The following EEF1AKMT2 variants were observed in gnomAD, a reference collection of about 807,000 sequenced individuals.
The protein encoded by EEF1AKMT2 is eukaryotic translation elongation factor 1 alpha lysine methyltransferase 2.
EEF1AKMT2 carries 32 observed loss-of-function variants against 35.8 expected under a neutral mutation model. The ratio of observed to expected loss-of-function variants is 0.89; its 90% CI spans 0.67 to 1.20. The LOEUF is 1.20. Among genes scored for constraint, EEF1AKMT2 ranks in the 50% most tolerant of loss-of-function variants. The pLI is 0.00. For synonymous variants in EEF1AKMT2, 121 were observed against 133.7 expected (o/e 0.91, Z 0.65); for missense variants, 330 against 347.5 (o/e 0.95, Z 0.40).
At chr10:124,771,342 G>A (rs12768797) in intron 4 of EEF1AKMT2, among the ~76,000 whole-genome samples, 30 of 151,560 alleles carry the variant, frequency 2.0e-4, no homozygotes, top group African/African-American at 3.6e-4. Context: ...CTTGTGATCC[G>A]CCCACCTTGG....
intron 3 of EEF1AKMT2, among the ~76,000 whole-genome samples, chr10:124,787,007 C>T (rs1055326073): frequency 6.6e-6 from 1 of 151,068 alleles, no homozygotes; most frequent in African/African-American, 2.4e-5. Flanking sequence ...GTCGCCCAGG[C>T]TGATCTCCGC....
At chr10:124,789,706 G>C (rs1950617748) in intron 2 of EEF1AKMT2, among the ~76,000 whole-genome samples, 1 of 149,496 alleles carries the variant, frequency 6.7e-6, no homozygotes, top group Admixed American at 6.7e-5. Context: ...AACGAGTTAT[G>C]ATGATCATGC....
At chr10:124,766,634 T>C (rs899211694) in intron 4 of EEF1AKMT2, among the ~76,000 whole-genome samples, 3 of 152,140 alleles carry the variant, frequency 2.0e-5, no homozygotes, top group South Asian at 2.1e-4. Flanking sequence ...TCTAAAACTC[T>C]ATTGACTTAA....
chr10:124,791,755 A>G lies in EEF1AKMT2; in HGVS notation c.79T>C (p.Phe27Leu), dbSNP rs1156591037. Residue 27 changes from phenylalanine (F) to leucine (L), a missense_variant, in exon 1 of 7, where the codon TTC becomes CTC. By Grantham distance (22) the Phe-to-Leu change is conservative (BLOSUM62 0). Transcript: ENST00000368836. ...SDKGSPGEDG[F>L]VPSALGTREH... ...CGGGTCCCCAGCGCCGACGGGACGA[A>G]ACCGTCCTCCCCGGGACTGCCCTTG... 6.3e-7 allele frequency: 1 copy of G among 1,594,796 alleles called. No individual in the cohort carries two copies. The highest frequency in any genetic ancestry group is 2.3e-5 in the East Asian group (1 of 44,294).
At chr10:124,767,366 A>T (rs1323992235) in intron 4 of EEF1AKMT2, among the ~76,000 whole-genome samples, 2 of 151,458 alleles carry the variant, frequency 1.3e-5, no homozygotes, top group African/African-American at 4.9e-5. Flanking sequence ...ACAAAAAATT[A>T]GCCGGGCGTG....
intron 4 of EEF1AKMT2, among the ~76,000 whole-genome samples, chr10:124,771,768 C>A (rs866935998): frequency 1.3e-5 from 2 of 151,976 alleles, no homozygotes; most frequent in East Asian, 3.9e-4. Flanking sequence ...ACTTGGGAGG[C>A]TGAGGCAGGA....
chr10:124,762,301 AAAATGCCAACG>A lies in EEF1AKMT2; in HGVS notation c.863_873del (p.Ser288LeufsTer24), dbSNP rs1488088346. 9.3e-7 allele frequency: 1 copy of A among 1,071,450 alleles called. No individual in the cohort carries two copies. 66.4% of individuals were successfully genotyped at this position (1,071,450 alleles called of 1,614,324 possible). ...AAATAAAGCTGGAAGGTCACTTACT[AAAATGCCAACG>A]AGGGCCTGGCATGGTATAATCCCAG... On this transcript the variant is annotated frameshift_variant and splice_region_variant, in exon 6 of 7. Coordinates refer to ENST00000368836, the MANE Select transcript of EEF1AKMT2 (RefSeq NM_212554.4). LOFTEE classifies it high-confidence loss of function.
chr10:124,783,494 A>G (rs1057036066), intron 3 of EEF1AKMT2, among the ~76,000 whole-genome samples: 1 of 152,194 alleles, frequency 6.6e-6, no homozygotes, highest in African/African-American at 2.4e-5. Flanking sequence ...GAAATTTAAA[A>G]TGGTGCAGCC....
At chr10:124,767,160 T>TA (rs903606562) in intron 4 of EEF1AKMT2, among the ~76,000 whole-genome samples, 4,780 of 103,876 alleles carry the variant, frequency 0.046, 419 homozygotes, top group African/African-American at 0.18. Flanking sequence ...GACTCCATCT[T>TA]AAAAAAAAAA....
intron 3 of EEF1AKMT2, among the ~76,000 whole-genome samples, chr10:124,788,497 T>G (rs989526477): frequency 6.6e-6 from 1 of 151,812 alleles, no homozygotes; most frequent in African/African-American, 2.4e-5. Flanking sequence ...TAATTAAGAC[T>G]GTAAAATTAT....
chr10:124,765,049 G>A (rs960615393), intron 5 of EEF1AKMT2, among the ~76,000 whole-genome samples: 4 of 152,118 alleles, frequency 2.6e-5, no homozygotes, highest in East Asian at 1.9e-4. Context: ...CTACAGGCAC[G>A]CGCCACCAAT....
intron 3 of EEF1AKMT2, among the ~76,000 whole-genome samples, chr10:124,785,482 G>A (rs1950576689): frequency 6.6e-6 from 1 of 152,068 alleles, no homozygotes; most frequent in Non-Finnish European, 1.5e-5. Context: ...GAAAACATCT[G>A]CAAATCTTGT....
chr10:124,790,039 G>A (rs757606059), intron 2 of EEF1AKMT2, among the ~76,000 whole-genome samples: 17 of 151,236 alleles, frequency 1.1e-4, no homozygotes, highest in Non-Finnish European at 2.2e-4. Context: ...CTACAGGCGC[G>A]CGCCACCATG....
downstream of EEF1AKMT2, among the ~76,000 whole-genome samples, chr10:124,757,399 C>A (rs142823415): frequency 3.9e-5 from 6 of 152,254 alleles, no homozygotes; most frequent in African/African-American, 1.2e-4. Flanking sequence ...CAGAGACACA[C>A]ACACATACAC....
rs2134117678 is a variant in EEF1AKMT2 at position 124,760,393 on chromosome 10, C to T, written c.*110G>A. On this transcript the variant is annotated 3_prime_UTR_variant, in exon 7 of 7. Transcript: ENST00000368836. ...TAGATTCTGTGTAGCTACCTGAATTCGTCCAAGAAAAAGTCTCACATTTTT... is the reference window on the plus strand; with the variant it reads ...TAGATTCTGTGTAGCTACCTGAATTTGTCCAAGAAAAAGTCTCACATTTTT... The T allele has an allele frequency of 2.5e-6, 4 of 1,568,992 alleles. No homozygotes were observed. Among genetic ancestry groups the T allele is most frequent in the South Asian group, 2.3e-5 (2 of 88,606 alleles).
intron 4 of EEF1AKMT2, among the ~76,000 whole-genome samples, chr10:124,773,833 C>T (rs1179697938): frequency 6.6e-6 from 1 of 152,108 alleles, no homozygotes; most frequent in Non-Finnish European, 1.5e-5. Context: ...TGAGAACATG[C>T]TGTTGAAAAA....
intron 3 of EEF1AKMT2, among the ~76,000 whole-genome samples, chr10:124,778,151 G>A (rs1171828911): frequency 6.6e-6 from 1 of 151,286 alleles, no homozygotes; most frequent in Non-Finnish European, 1.5e-5. Context: ...CGGAGTTGGA[G>A]GTTATAGTGT....
chr10:124,783,170 T>A (rs1328656820), intron 3 of EEF1AKMT2, among the ~76,000 whole-genome samples: 2 of 146,440 alleles, frequency 1.4e-5, no homozygotes, highest in African/African-American at 2.5e-5. Context: ...AGACAGAGTC[T>A]TACTCTGTCT....
chr10:124,780,465 C>T (rs948631313), intron 3 of EEF1AKMT2, among the ~76,000 whole-genome samples: 1 of 152,090 alleles, frequency 6.6e-6, no homozygotes, highest in Non-Finnish European at 1.5e-5. Context: ...CAGCCAATTG[C>T]AATGTGTGGA....
Sources: allele counts gnomAD v4.1 joint callset (sites outside exome capture counted in the v4.1 genomes callset), GRCh38; gene constraint gnomAD v4.1.1; transcripts MANE v1.5; gene names NCBI Gene and HGNC (gene_info 2026-07-23, HGNC 2026-07-21).